ATG10: variants seen among roughly 807,000 people sequenced by gnomAD.
The protein encoded by ATG10 is ubiquitin-like-conjugating enzyme ATG10.
Under a neutral mutation model 32.1 loss-of-function variants are expected in ATG10, and 30 were observed. The ratio of observed to expected loss-of-function variants is 0.94; its 90% CI spans 0.70 to 1.27. The LOEUF (loss-of-function observed/expected upper bound fraction) is 1.27, where lower values mean the gene tolerates loss of function less well. ATG10 is among the 50% of genes most tolerant of loss of function. The probability of loss-of-function intolerance (pLI) is 0.00; values close to 1 mark genes in which losing one functional copy is unlikely to be tolerated. For synonymous variants in ATG10, 87 were observed against 91.5 expected, an observed-to-expected ratio of 0.95 and a Z score of 0.28; for missense variants, 233 against 262.3, an observed-to-expected ratio of 0.89 and a Z score of 0.77.
intron 3 of ATG10, among the ~76,000 whole-genome samples, chr5:82,112,664 G>A (rs1039250575): frequency 2.6e-5 from 4 of 151,740 alleles, no homozygotes; most frequent in African/African-American, 9.7e-5. Context: ...CAGAATAATC[G>A]ATTGTAGAAT....
intron 5 of ATG10, among the ~76,000 whole-genome samples, chr5:82,217,054 CA>C (rs144022531): frequency 3.2e-4 from 46 of 144,120 alleles, no homozygotes; most frequent in East Asian, 1.7e-3. Context: ...GACTCAGTCT[CA>C]AAAAAAAAAA....
chr5:81,978,958 G>A lies in ATG10; in HGVS notation c.-13+6652G>A, dbSNP rs185903693. Among the ~76,000 whole-genome samples the A allele has an allele frequency of 1.2e-3, 190 of 152,096 alleles. 2 individuals are homozygous for A. Among genetic ancestry groups the A allele is most frequent in the African/African-American group, 4.2e-3 (176 of 41,468 alleles). ...TTTGTCGCCCAGGCTGGAGTGCAGT[G>A]GCACAATCTTAGCTCACTGCAACTT... On this transcript the variant is annotated intron_variant, in intron 1 of 7. Coordinates refer to ENST00000282185, the MANE Select transcript of ATG10 (RefSeq NM_031482.5).
chr5:82,123,280 G>A (rs1208288996), intron 3 of ATG10, among the ~76,000 whole-genome samples: 1 of 152,128 alleles, frequency 6.6e-6, no homozygotes, highest in East Asian at 1.9e-4. Context: ...ACCAAATACC[G>A]TTATGTTCTT....
chr5:82,184,341 A>G (rs1463687049), intron 5 of ATG10, among the ~76,000 whole-genome samples: 1 of 152,176 alleles, frequency 6.6e-6, no homozygotes, highest in African/African-American at 2.4e-5. Context: ...ATATTATGTA[A>G]TTATTGTAAT....
chr5:82,078,679 T>G (rs1764360965), intron 3 of ATG10: 1 of 152,180 alleles, frequency 6.6e-6, no homozygotes, highest in Non-Finnish European at 1.5e-5. Context: ...AGCCTGTGAA[T>G]GGCCACTGCA....
intron 2 of ATG10, among the ~76,000 whole-genome samples, chr5:82,048,323 C>T (rs1440989344): frequency 2.1e-5 from 3 of 144,382 alleles, no homozygotes; most frequent in African/African-American, 5.2e-5. Flanking sequence ...TGGCCATTTT[C>T]ACGATATTGA....
chr5:82,002,559 A>G (rs1761880053), intron 2 of ATG10, among the ~76,000 whole-genome samples: 1 of 152,184 alleles, frequency 6.6e-6, no homozygotes. Flanking sequence ...ACCAAATACT[A>G]CATGTTCTCA....
chr5:82,175,344 C>T (rs1427984209), intron 4 of ATG10, among the ~76,000 whole-genome samples: 1 of 152,158 alleles, frequency 6.6e-6, no homozygotes, highest in Non-Finnish European at 1.5e-5. Flanking sequence ...TGGAGTCTCA[C>T]TTTGTTGCCC....
chr5:82,114,520 T>G (rs1384279563), intron 3 of ATG10, among the ~76,000 whole-genome samples: 1 of 152,062 alleles, frequency 6.6e-6, no homozygotes, highest in African/African-American at 2.4e-5. Context: ...AGCTATATTT[T>G]GAGTCAATTG....
intron 2 of ATG10, among the ~76,000 whole-genome samples, chr5:82,030,095 G>A (rs1311957548): frequency 6.6e-6 from 1 of 152,102 alleles, no homozygotes; most frequent in Non-Finnish European, 1.5e-5. Flanking sequence ...TATGGCCTGA[G>A]GCTTCTTCTG....
intron 3 of ATG10, among the ~76,000 whole-genome samples, chr5:82,156,896 A>G (rs1292646907): frequency 6.6e-6 from 1 of 152,202 alleles, no homozygotes; most frequent in African/African-American, 2.4e-5. Context: ...ACTCTAAGAG[A>G]TAGCCTCTTC....
At chr5:82,011,660 A>G (rs1762131305) in intron 2 of ATG10, among the ~76,000 whole-genome samples, 1 of 152,196 alleles carries the variant, frequency 6.6e-6, no homozygotes, top group African/African-American at 2.4e-5. Context: ...ATGCTCAAAC[A>G]CCTGGAGCCA....
intron 2 of ATG10, among the ~76,000 whole-genome samples, chr5:82,019,260 A>C (rs962966969): frequency 2.6e-5 from 4 of 152,222 alleles, no homozygotes; most frequent in African/African-American, 7.2e-5. Flanking sequence ...ATATAATTCA[A>C]ATAACCTCTT....
chr5:82,059,140 A>G (rs1763692087), intron 3 of ATG10, among the ~76,000 whole-genome samples: 1 of 152,156 alleles, frequency 6.6e-6, no homozygotes, highest in Admixed American at 6.6e-5. Flanking sequence ...CCTTGACTTG[A>G]AAATCTTGCT....
chr5:82,034,106 T>C (rs888142592), intron 2 of ATG10, among the ~76,000 whole-genome samples: 1 of 151,544 alleles, frequency 6.6e-6, no homozygotes, highest in African/African-American at 2.4e-5. Flanking sequence ...TGATAGGCAC[T>C]GGCATTTTAG....
intron 2 of ATG10, among the ~76,000 whole-genome samples, chr5:82,002,523 T>C (rs989395072): frequency 1.3e-5 from 2 of 152,214 alleles, no homozygotes; most frequent in Admixed American, 6.5e-5. Context: ...GGCATTATCC[T>C]AAGTGAAGTA....
chr5:82,013,787 G>A (rs543339434), intron 2 of ATG10, among the ~76,000 whole-genome samples: 4 of 151,914 alleles, frequency 2.6e-5, no homozygotes, highest in African/African-American at 7.3e-5. Context: ...ATGTTTGTTG[G>A]CCATTTGTAT....
chr5:82,143,328 C>T (rs1319851127), intron 3 of ATG10, among the ~76,000 whole-genome samples: 1 of 152,196 alleles, frequency 6.6e-6, no homozygotes, highest in African/African-American at 2.4e-5. Context: ...TTGCCAGAGC[C>T]GTGTGGGTGA....
intron 3 of ATG10, among the ~76,000 whole-genome samples, chr5:82,101,674 A>G (rs1018361964): frequency 5.3e-5 from 8 of 152,180 alleles, no homozygotes; most frequent in Non-Finnish European, 8.8e-5. Flanking sequence ...CCCAAATTCA[A>G]TGTGCTTTTT....
Sources: gnomAD v4.1 joint callset for allele counts (sites outside exome capture counted in the v4.1 genomes callset) on GRCh38, gnomAD v4.1.1 for gene constraint, MANE v1.5 for transcripts, NCBI Gene and HGNC (gene_info 2026-07-23, HGNC 2026-07-21) for gene names.